EML5: variants seen among roughly 807,000 people sequenced by gnomAD.
EML5 encodes the protein echinoderm microtubule-associated protein-like 5.
In EML5, 120 loss-of-function variants were observed where a neutral mutation model predicts 250.0. The ratio of observed to expected loss-of-function variants is 0.48; its 90% CI spans 0.41 to 0.56. The LOEUF is 0.56. EML5 is among the 20% of genes least tolerant of loss of function. EML5 has a pLI of 0.00. For missense variants in EML5, 2,006 were observed against 2,437.6 expected (o/e 0.82, Z 3.73); for synonymous variants, 771 against 806.5 (o/e 0.96, Z 0.75).
At chr14:88,774,469 C>T (rs2094429019) in intron 1 of EML5, among the ~76,000 whole-genome samples, 1 of 152,176 alleles carries the variant, frequency 6.6e-6, no homozygotes, top group Admixed American at 6.5e-5. Flanking sequence ...ATTTTCTCAT[C>T]TTCTTCCTGC....
intron 1 of EML5, among the ~76,000 whole-genome samples, chr14:88,758,232 G>A (rs1204390146): frequency 6.6e-6 from 1 of 150,854 alleles, no homozygotes; most frequent in Non-Finnish European, 1.5e-5. Context: ...CACTCTCATT[G>A]CCCAGGCTGA....
At chr14:88,680,223 AAT>A (rs1226805922) in intron 21 of EML5, among the ~76,000 whole-genome samples, 2 of 152,316 alleles carry the variant, frequency 1.3e-5, no homozygotes, top group East Asian at 1.9e-4. Flanking sequence ...TAAGAAATAA[AAT>A]AGTTATTTAA....
At position 88,618,749 on chromosome 14, in the gene EML5, G is replaced by C. The variant is rs1220576252; in HGVS notation, c.5439C>G (p.Asp1813Glu). The C allele has an allele frequency of 2.5e-6, 4 of 1,604,902 alleles. No individual in the cohort carries two copies. The highest frequency in any genetic ancestry group is 2.6e-6 in the Non-Finnish European group (3 of 1,175,046). Residue 1813 changes from aspartate (D) to glutamate (E), a missense_variant, in exon 40 of 44, where the codon GAC becomes GAG. Asp to Glu is a conservative substitution (Grantham distance 45). This residue lies in a region of EML5 where 405 missense variants were observed against 523.3 expected (regional missense o/e 0.77). Coordinates refer to ENST00000554922, the MANE Select transcript of EML5 (RefSeq NM_183387.3). ...TGTTAAGAGTGGGGCCCAGCGTTAG[G>C]TCATAAAAATCCACTGAGTTCTCAC... ...GSSENSVDFYDLTLGPTLNRI... is the reference protein window; with the variant it reads ...GSSENSVDFYELTLGPTLNRI...
chr14:88,690,269 A>G (rs2092926822), intron 17 of EML5, among the ~76,000 whole-genome samples: 1 of 152,244 alleles, frequency 6.6e-6, no homozygotes, highest in African/African-American at 2.4e-5. Context: ...ACATTTGAAT[A>G]GTGAAATGAC....
chr14:88,700,792 A>G (rs1267362511), intron 14 of EML5, among the ~76,000 whole-genome samples: 1 of 152,310 alleles, frequency 6.6e-6, no homozygotes, highest in Admixed American at 6.5e-5. Context: ...ATCGTAAACC[A>G]TTAAATACAA....
In EML5 at chr14:88,702,752, T is replaced by C. The variant is rs139891077; in HGVS notation, c.2052-120A>G. The C allele has an allele frequency of 7.1e-3, 5,011 of 701,404 alleles. 21 individuals are homozygous for C. Among genetic ancestry groups the C allele is most frequent in the Admixed American group, 0.01 (279 of 26,826 alleles). 43.4% of individuals were successfully genotyped at this position (701,404 alleles called of 1,614,324 possible). A position where few individuals can be genotyped will look rare whatever the true frequency, so the allele number is the denominator to read the frequency against. Reference sequence around the variant, plus strand: ...TCATTCAATTTCCAGTTTTACAGGATACTAAACAATTTTTTTTCAAGAGAT... The same window carrying C: ...TCATTCAATTTCCAGTTTTACAGGACACTAAACAATTTTTTTTCAAGAGAT... On this transcript the variant is annotated intron_variant, in intron 13 of 43. Coordinates refer to ENST00000554922, the MANE Select transcript of EML5 (RefSeq NM_183387.3).
intron 16 of EML5, among the ~76,000 whole-genome samples, chr14:88,695,086 C>G (rs183374486): frequency 6.6e-6 from 1 of 152,112 alleles, no homozygotes; most frequent in African/African-American, 2.4e-5. Flanking sequence ...GCCTATCATA[C>G]AGTAGAACAC....
intron 2 of EML5, among the ~76,000 whole-genome samples, chr14:88,752,673 C>T (rs986457834): frequency 6.6e-6 from 1 of 152,204 alleles, no homozygotes; most frequent in South Asian, 2.1e-4. Context: ...ACCCTCAAGC[C>T]TGGACCCCTG....
chr14:88,729,397 C>A (rs2093717729), intron 7 of EML5, among the ~76,000 whole-genome samples: 1 of 152,006 alleles, frequency 6.6e-6, no homozygotes, highest in Admixed American at 6.6e-5. Context: ...AGGCCTGCTG[C>A]CTATTTTTGT....
At chr14:88,665,983 A>G (rs915011956) in intron 21 of EML5, among the ~76,000 whole-genome samples, 2 of 152,176 alleles carry the variant, frequency 1.3e-5, no homozygotes, top group Admixed American at 6.5e-5. Context: ...AGGAGTCGAG[A>G]TACAGATTAA....
chr14:88,689,037 T>C (rs1311138061), intron 17 of EML5, among the ~76,000 whole-genome samples: 2 of 152,370 alleles, frequency 1.3e-5, no homozygotes, highest in East Asian at 1.9e-4. Context: ...AATGATTTGT[T>C]ATAGAGTTTT....
rs779582548 is a variant in EML5 at position 88,685,479 on chromosome 14, TTCAAGATATATAG to T, written c.2855-350_2855-338del. Among the ~76,000 whole-genome samples the T allele has an allele frequency of 5.0e-4, 76 of 152,298 alleles. 2 individuals are homozygous for T. The highest frequency in any genetic ancestry group is 2.9e-4 in the Non-Finnish European group (20 of 68,028). The stretch of plus-strand genomic sequence containing the variant: ...ATTCTTATTAGTAATTTTAATTCAA[TTCAAGATATATAG>T]TCAGCCCTCAGTATCCTTGGGGGAT... On this transcript the variant is annotated intron_variant, in intron 19 of 43. Transcript: ENST00000554922.
Position 88,658,299 on chromosome 14 carries a change from G to C in EML5, c.3765C>G (p.Thr1255=), listed in dbSNP as rs748241855. 26 of 1,613,622 alleles carry C rather than the reference G, an allele frequency of 1.6e-5. No homozygotes were observed. Among genetic ancestry groups the C allele is most frequent in the Non-Finnish European group, 2.1e-5 (25 of 1,179,820 alleles). The change falls in exon 26 of 44, where the codon ACC becomes ACG. Residue 1255 remains threonine, a synonymous_variant. Coordinates refer to ENST00000554922, the MANE Select transcript of EML5 (RefSeq NM_183387.3). The part of the protein sequence containing the change: ...RWTYDDSMLV[T]LGGTDMSLMV... ...TTAAAGACATATCTGTACCGCCTAGGGTAACCAACATGCTGTCATCATAAG... is the reference window on the plus strand; with the variant it reads ...TTAAAGACATATCTGTACCGCCTAGCGTAACCAACATGCTGTCATCATAAG...
intron 3 of EML5, among the ~76,000 whole-genome samples, chr14:88,744,513 GTT>G (rs1267617540): frequency 6.6e-6 from 1 of 151,894 alleles, no homozygotes; most frequent in African/African-American, 2.4e-5. Flanking sequence ...ACTCAGAACT[GTT>G]TACATAAAGA....
chr14:88,622,394 C>T, intron 37 of EML5: 2 of 400,100 alleles, frequency 5.0e-6, no homozygotes, highest in Non-Finnish European at 8.8e-6. Flanking sequence ...GGTTTACATA[C>T]AGTATTTAGA....
In EML5 at chr14:88,781,791, T is replaced by C. The variant is rs532008761; in HGVS notation, c.197+10516A>G. On this transcript the variant is annotated intron_variant, in intron 1 of 43. Transcript: ENST00000554922. ...ATGTTTGCTTCCCCTTCTGCCATAA[T>C]TGTAAGTTTCCTGAGGCTTCTCCAG... is the stretch of plus-strand genomic sequence containing the variant. 1.2e-3 allele frequency among the ~76,000 whole-genome samples: 186 copies of C among 152,360 alleles called. 1 individual carries two copies. The highest frequency in any genetic ancestry group is 4.2e-3 in the African/African-American group (174 of 41,582).
intron 1 of EML5, among the ~76,000 whole-genome samples, chr14:88,768,328 T>C (rs1384902511): frequency 2.0e-5 from 3 of 152,186 alleles, no homozygotes; most frequent in Non-Finnish European, 4.4e-5. Flanking sequence ...CCTATTTCTC[T>C]CCTCAAACTT....
chr14:88,766,904 G>A (rs983448901), intron 1 of EML5, among the ~76,000 whole-genome samples: 13 of 151,986 alleles, frequency 8.6e-5, no homozygotes, highest in Admixed American at 4.6e-4. Context: ...GTTGAGTATC[G>A]GGGGCTGGTT....
At chr14:88,632,905 G>C (rs1257475916) in intron 33 of EML5, among the ~76,000 whole-genome samples, 1 of 152,196 alleles carries the variant, frequency 6.6e-6, no homozygotes, top group Non-Finnish European at 1.5e-5. Flanking sequence ...TTGACTGCTG[G>C]AGGAAGAAGC....
Sources: allele counts gnomAD v4.1 joint callset (sites outside exome capture counted in the v4.1 genomes callset), GRCh38; gene constraint gnomAD v4.1.1; regional missense constraint gnomAD v4.1.1; transcripts MANE v1.5; gene names NCBI Gene and HGNC (gene_info 2026-07-23, HGNC 2026-07-21).